KMT5B: variants seen among roughly 807,000 people sequenced by gnomAD.
KMT5B encodes lysine methyltransferase 5B.
KMT5B carries 10 observed loss-of-function variants against 83.2 expected under a neutral mutation model. The observed-to-expected ratio is 0.12, with a 90% confidence interval of 0.07 to 0.20. The LOEUF (loss-of-function observed/expected upper bound fraction) is 0.20. Ranked by LOEUF, KMT5B falls within the 10% of genes least tolerant of loss-of-function variation. The pLI is 1.00. For missense variants in KMT5B, 753 were observed against 1,067.2 expected (o/e 0.71, Z 4.10); for synonymous variants, 349 against 388.8 (o/e 0.90, Z 1.20).
chr11:68,192,613 T>C (rs1348224181), intron 1 of KMT5B, among the ~76,000 whole-genome samples: 4 of 152,226 alleles, frequency 2.6e-5, no homozygotes, highest in Non-Finnish European at 4.4e-5. Context: ...GGAAGTTATT[T>C]ATCTCTTTGT....
At chr11:68,172,430 T>G (rs1855926740) in intron 6 of KMT5B, among the ~76,000 whole-genome samples, 2 of 150,274 alleles carry the variant, frequency 1.3e-5, no homozygotes, top group Non-Finnish European at 3.0e-5. Context: ...AGAGATGGAG[T>G]TTCACCGTGT....
chr11:68,170,846 T>A (rs1404023639), intron 9 of KMT5B, among the ~76,000 whole-genome samples, 169 bp downstream of exon 9: 7 of 152,310 alleles, frequency 4.6e-5, no homozygotes, highest in South Asian at 2.1e-4. Context: ...TGTCCCTAAA[T>A]AGCTGTGCAG....
chr11:68,203,926 C>T (rs537293680), intron 1 of KMT5B, among the ~76,000 whole-genome samples: 1 of 152,150 alleles, frequency 6.6e-6, no homozygotes, highest in Admixed American at 6.5e-5. Context: ...CGTCTCTATA[C>T]TCCTAAAATA....
chr11:68,187,040 A>G (rs1857502652), intron 2 of KMT5B, among the ~76,000 whole-genome samples: 1 of 151,784 alleles, frequency 6.6e-6, no homozygotes, highest in Non-Finnish European at 1.5e-5. Flanking sequence ...TTTGCCACCC[A>G]GCCTGGAGTG....
chr11:68,211,528 C>T (rs1860895524), intron 1 of KMT5B, among the ~76,000 whole-genome samples: 1 of 152,164 alleles, frequency 6.6e-6, no homozygotes, highest in African/African-American at 2.4e-5. Flanking sequence ...AACTATTAAG[C>T]TTGACAACTT....
chr11:68,170,901 G>A (rs1220536417), intron 9 of KMT5B, 114 bp downstream of exon 9: 3 of 1,168,794 alleles, frequency 2.6e-6, no homozygotes, highest in Non-Finnish European at 3.6e-6. Context: ...CTATGCTAAA[G>A]AACATAAAGA....
At chr11:68,170,449 C>T (rs1855736550) in intron 9 of KMT5B, among the ~76,000 whole-genome samples, 1 of 152,148 alleles carries the variant, frequency 6.6e-6, no homozygotes. Context: ...CTTCATGGTG[C>T]TCTCACACAC....
intron 1 of KMT5B, among the ~76,000 whole-genome samples, chr11:68,190,728 A>T (rs566084872): frequency 6.6e-6 from 1 of 152,244 alleles, no homozygotes; most frequent in South Asian, 2.1e-4. Flanking sequence ...TCATGCCTGT[A>T]ATCCCAGCAC....
At chr11:68,181,062 CTCTT>C (rs759037331) in intron 3 of KMT5B, among the ~76,000 whole-genome samples, 27 of 149,938 alleles carry the variant, frequency 1.8e-4, no homozygotes, top group African/African-American at 5.7e-4. Context: ...TAAACATCTA[CTCTT>C]TCTTTTTTCT....
Position 68,158,751 on chromosome 11 carries a change from G to A in KMT5B, c.1595C>T (p.Ser532Leu), listed in dbSNP as rs150905417. Residue 532 changes from serine (S) to leucine (L), a missense_variant, in exon 11 of 11, where the codon TCG becomes TTG. This residue lies in a region of KMT5B where 397 missense variants were observed against 395.9 expected (regional missense o/e 1.00). Transcript: ENST00000304363. ...VRGAHSQGES[S>L]PCTYITRRSV... ...CCGCCGAGTTATGTAGGTGCAGGGC[G>A]AGCTCTCCCCCTGCGAATGAGCACC... 875 of 1,614,126 alleles carry A rather than the reference G, an allele frequency of 5.4e-4. 12 individuals are homozygous for A. In the East Asian group the frequency reaches 0.015, roughly 27 times the overall value.
At position 68,171,207 on chromosome 11, in the gene KMT5B, T is replaced by TG. The variant is rs1348166612; in HGVS notation, c.840+24dup. ...ACACCTGAAGCAAAAACAAAATACT[T>TG]GAAGAAAATTTTTTTAATGCTTACC... On this transcript the variant is annotated intron_variant, in intron 8 of 10. Transcript: ENST00000304363. The surrounding 1 kb of genome is among the most constrained non-coding windows in gnomAD (Gnocchi z 5.1). The TG allele has an allele frequency of 1.2e-6, 2 of 1,601,490 alleles. No individual in the cohort carries two copies. The highest frequency in any genetic ancestry group is 4.5e-5 in the East Asian group (2 of 44,802).
At chr11:68,203,978 C>G (rs1023714909) in intron 1 of KMT5B, among the ~76,000 whole-genome samples, 2 of 152,180 alleles carry the variant, frequency 1.3e-5, no homozygotes, top group African/African-American at 2.4e-5. Context: ...CTTTCCTTCT[C>G]TAGCTTTCAT....
rs1307058162 is a variant in KMT5B at position 68,158,691 on chromosome 11, G to C, written c.1655C>G (p.Ser552Cys). 1.2e-6 allele frequency: 2 copies of C among 1,614,088 alleles called. No individual in the cohort carries two copies. The highest frequency in any genetic ancestry group is 1.1e-5 in the South Asian group (1 of 91,074). ...CGTATTTGGTTCAAGCTTGATGTCA[G>C]AGGCCTCCTTCAGATTTGTTCTTGT... The part of the protein sequence containing the change: ...VRTRTNLKEA[S>C]DIKLEPNTLN... The change falls in exon 11 of 11, where the codon TCT becomes TGT. Residue 552 changes from serine (S) to cysteine (C), a missense_variant. Physicochemically the swap from Ser to Cys is moderately radical, Grantham distance 112 (BLOSUM62 -1). Around this residue, in one of 9 missense-constraint regions of KMT5B, gnomAD observed 397 missense variants for 395.9 expected, o/e 1.00. Coordinates refer to ENST00000304363, the MANE Select transcript of KMT5B (RefSeq NM_017635.5).
chr11:68,180,131 C>T lies in KMT5B; in HGVS notation c.377+1G>A. 6.3e-7 allele frequency: 1 copy of T among 1,579,388 alleles called. No homozygotes were observed. Among genetic ancestry groups the T allele is most frequent in the Non-Finnish European group, 8.7e-7 (1 of 1,154,884 alleles). On this transcript the variant is annotated splice_donor_variant, in intron 4 of 10. Coordinates refer to ENST00000304363, the MANE Select transcript of KMT5B (RefSeq NM_017635.5). LOFTEE classifies it high-confidence loss of function. ...CATTGTTTTTAACACACACTACCTA[C>T]CTCACAGGGTTGTTGTGAGAAAAAC...
At position 68,189,729 on chromosome 11, in the gene KMT5B, CTT is replaced by C. The variant is rs548726784; in HGVS notation, c.160+186_160+187del. The C allele has an allele frequency of 6.3e-4, 274 of 437,674 alleles. 2 individuals are homozygous for C. The South Asian group carries it at 0.016, about 25-fold the overall frequency. The allele number at this position is 437,674 out of a possible 1,614,324, so 27.1% of individuals were successfully genotyped here. A position where few individuals can be genotyped will look rare whatever the true frequency, so the allele number is the denominator to read the frequency against. The stretch of plus-strand genomic sequence containing the variant: ...TAAAATAATTATATGAAGCATTAAA[CTT>C]GAGTTTTATATAGTTTGATGAGAAT... On this transcript the variant is annotated intron_variant, in intron 2 of 10. Transcript: ENST00000304363.
At chr11:68,179,388 T>TAAGAA in intron 4 of KMT5B, 1 of 1,200,468 alleles carries the variant, frequency 8.3e-7, no homozygotes, top group South Asian at 1.3e-5. Flanking sequence ...ATGGCTGGTA[T>TAAGAA]AAGAAAAATA....
chr11:68,157,617 T>G lies in KMT5B; in HGVS notation c.*71A>C. The G allele has an allele frequency of 6.7e-7, 1 of 1,487,426 alleles. No individual in the cohort carries two copies. The highest frequency in any genetic ancestry group is 1.5e-5 in the South Asian group (1 of 66,988). The allele number at this position is 1,487,426 out of a possible 1,614,324, so 92.1% of individuals were successfully genotyped here. ...AGAAGTGCTGCCACTAAACTTTCAG[T>G]TGAGGAATAATTGACTGGAATTTTT... On this transcript the variant is annotated 3_prime_UTR_variant, in exon 11 of 11. Transcript: ENST00000304363.
At chr11:68,206,406 A>G (rs1860117803) in intron 1 of KMT5B, among the ~76,000 whole-genome samples, 1 of 152,210 alleles carries the variant, frequency 6.6e-6, no homozygotes, top group South Asian at 2.1e-4. Flanking sequence ...CTGGGCAAGG[A>G]CAAGTGTGAG....
chr11:68,160,080 C>T (rs889397280), intron 10 of KMT5B, among the ~76,000 whole-genome samples: 1 of 152,212 alleles, frequency 6.6e-6, no homozygotes, highest in Non-Finnish European at 1.5e-5. Flanking sequence ...TTATACAGAA[C>T]TACTAGGTAG....
Sources: allele counts gnomAD v4.1 joint callset (sites outside exome capture counted in the v4.1 genomes callset), GRCh38; gene constraint gnomAD v4.1.1; regional missense constraint gnomAD v4.1.1; non-coding constraint Gnocchi (gnomAD v3.1); transcripts MANE v1.5; gene names NCBI Gene and HGNC (gene_info 2026-07-23, HGNC 2026-07-21).